Variants in SAE1 observed in about 807,000 individuals in gnomAD.
SAE1 encodes SUMO-activating enzyme subunit 1.
In SAE1, 11 loss-of-function variants were observed where a neutral mutation model predicts 40.6. That is an observed-to-expected ratio of 0.27 (90% CI 0.17 to 0.45). The LOEUF is 0.45. SAE1 is among the 20% of genes least tolerant of loss of function. The pLI is 1.00. For missense variants in SAE1, 373 were observed against 427.3 expected (o/e 0.87, Z 1.12); for synonymous variants, 155 against 154.3 (o/e 1.00, Z -0.03).
chr19:47,155,534 C>A (rs2058317197), intron 5 of SAE1, among the ~76,000 whole-genome samples: 1 of 152,026 alleles, frequency 6.6e-6, no homozygotes, highest in African/African-American at 2.4e-5. Flanking sequence ...GATCTCGGCT[C>A]ACTACAGCCT....
intron 6 of SAE1, among the ~76,000 whole-genome samples, chr19:47,171,028 G>A (rs1446135476): frequency 6.6e-6 from 1 of 152,124 alleles, no homozygotes; most frequent in East Asian, 1.9e-4. Flanking sequence ...AGGCTGGAGT[G>A]CAGTGGTGTG....
chr19:47,163,542 A>G (rs988981235), intron 5 of SAE1, among the ~76,000 whole-genome samples: 3 of 152,090 alleles, frequency 2.0e-5, no homozygotes, highest in Admixed American at 6.6e-5. Context: ...AGCCTGGCCA[A>G]CATGGTGAAA....
chr19:47,209,246 A>C lies in SAE1; in HGVS notation c.1036A>C (p.Lys346Gln). The C allele has an allele frequency of 1.9e-6, 3 of 1,614,132 alleles. No homozygotes were observed. Among genetic ancestry groups the C allele is most frequent in the African/African-American group, 1.3e-5 (1 of 75,028 alleles). ...GNGIVECLGP[K>Q] ...TGGGATTGTGGAGTGCCTTGGCCCC[A>C]AGTGAACTCAAGATTTGGCAGCCCC... The change falls in exon 9 of 9, where the codon AAG becomes CAG. Residue 346 changes from lysine (K) to glutamine (Q), a missense_variant. Coordinates refer to ENST00000270225, the MANE Select transcript of SAE1 (RefSeq NM_005500.3).
At chr19:47,187,191 G>C (rs1404884323) in intron 6 of SAE1, among the ~76,000 whole-genome samples, 4 of 152,152 alleles carry the variant, frequency 2.6e-5, no homozygotes, top group Non-Finnish European at 4.4e-5. Context: ...GAGGCCAGGA[G>C]AGCCAGAATC....
chr19:47,197,051 C>T (rs1004685902), intron 6 of SAE1, among the ~76,000 whole-genome samples, 182 bp from the exon 7 acceptor site: 5 of 151,872 alleles, frequency 3.3e-5, no homozygotes, highest in Non-Finnish European at 7.4e-5. Flanking sequence ...CATGGTGGTT[C>T]GTGCCTGTAG....
At chr19:47,154,321 C>T (rs1214782134) in intron 4 of SAE1, among the ~76,000 whole-genome samples, 3 of 151,454 alleles carry the variant, frequency 2.0e-5, no homozygotes, top group Non-Finnish European at 2.9e-5. Context: ...GAACTCCTGA[C>T]CTCAGGTGGT....
intron 7 of SAE1, among the ~76,000 whole-genome samples, chr19:47,200,377 C>G (rs969439920): frequency 2.1e-5 from 3 of 145,516 alleles, no homozygotes; most frequent in Non-Finnish European, 4.5e-5. Context: ...GGACTATAGG[C>G]GTGTACTACC....
intron 7 of SAE1, among the ~76,000 whole-genome samples, chr19:47,198,115 T>TC (rs1387868446): frequency 4.9e-5 from 7 of 143,072 alleles, no homozygotes; most frequent in Non-Finnish European, 1.1e-4. Context: ...TCTCTCTCTC[T>TC]TTTTTTTTTT....
At chr19:47,205,077 C>A (rs181331420) in intron 8 of SAE1, among the ~76,000 whole-genome samples, 1 of 152,266 alleles carries the variant, frequency 6.6e-6, no homozygotes, top group East Asian at 1.9e-4. Flanking sequence ...GCTATTTGCC[C>A]GAAGATGTTA....
rs539486730 is a variant in SAE1, at chr19:47,186,079, A to C, written c.734-11154A>C. 6.5e-4 allele frequency among the ~76,000 whole-genome samples: 98 copies of C among 151,734 alleles called. 1 individual carries two copies. The South Asian group carries it at 0.019, about 30-fold the overall frequency. ...ACATGGTGAAACCCCGTCTCTACTA[A>C]AAATACAAAAATTGACCAGGTGTAG... On this transcript the variant is annotated intron_variant, in intron 6 of 8. Transcript: ENST00000270225.
intron 6 of SAE1, among the ~76,000 whole-genome samples, chr19:47,174,035 C>T (rs776673988): frequency 6.6e-6 from 1 of 152,026 alleles, no homozygotes; most frequent in African/African-American, 2.4e-5. Flanking sequence ...CCACCCGCCT[C>T]GGCCTCCCAA....
chr19:47,175,235 T>C (rs572049859), intron 6 of SAE1, among the ~76,000 whole-genome samples: 23 of 151,822 alleles, frequency 1.5e-4, no homozygotes, highest in African/African-American at 5.3e-4. Context: ...ACTACTCTTG[T>C]TTCCATGTTC....
intron 1 of SAE1, among the ~76,000 whole-genome samples, chr19:47,141,565 G>T (rs908410053): frequency 1.3e-5 from 2 of 152,054 alleles, no homozygotes; most frequent in South Asian, 4.1e-4. Flanking sequence ...GTTCGGGGAG[G>T]GGGAGTGCTT....
chr19:47,157,618 C>T (rs886425082), intron 5 of SAE1, among the ~76,000 whole-genome samples: 10 of 152,184 alleles, frequency 6.6e-5, no homozygotes, highest in Non-Finnish European at 1.2e-4. Context: ...CACTTTATCT[C>T]GCTATGAGGA....
intron 4 of SAE1, among the ~76,000 whole-genome samples, 195 bp downstream of exon 4, chr19:47,153,235 G>A (rs181992260): frequency 3.6e-4 from 55 of 152,064 alleles, no homozygotes; most frequent in Non-Finnish European, 6.8e-4. Flanking sequence ...GATCCACTGC[G>A]CCTGGTCTGC....
chr19:47,196,613 C>T (rs920143776), intron 6 of SAE1, among the ~76,000 whole-genome samples: 4 of 151,556 alleles, frequency 2.6e-5, no homozygotes, highest in Middle Eastern at 3.4e-3. Flanking sequence ...CCACCTGCCT[C>T]GGCCTCCCAA....
intron 8 of SAE1, among the ~76,000 whole-genome samples, chr19:47,207,261 T>C (rs982606628): frequency 2.0e-5 from 3 of 152,288 alleles, no homozygotes; most frequent in South Asian, 4.1e-4. Context: ...TACAAATAAA[T>C]AAAATTTCCC....
intron 5 of SAE1, among the ~76,000 whole-genome samples, chr19:47,164,335 A>AT (rs1364086110): frequency 1.3e-5 from 2 of 151,424 alleles, no homozygotes; most frequent in Non-Finnish European, 2.9e-5. Context: ...CACCCGGCTA[A>AT]TTTTTTGTAT....
At chr19:47,180,234 C>A (rs1201889540) in intron 6 of SAE1, 1 of 456,286 alleles carries the variant, frequency 2.2e-6, no homozygotes, top group Non-Finnish European at 4.4e-6. Flanking sequence ...TAATACCTTT[C>A]CTCACTAAAG....
Sources: gnomAD v4.1 joint callset for allele counts (sites outside exome capture counted in the v4.1 genomes callset) on GRCh38, gnomAD v4.1.1 for gene constraint, MANE v1.5 for transcripts, NCBI Gene and HGNC (gene_info 2026-07-23, HGNC 2026-07-21) for gene names.